TAFA4: variants seen among roughly 807,000 people sequenced by gnomAD.
The protein encoded by TAFA4 is TAFA chemokine like family member 4.
TAFA4 carries 20 observed loss-of-function variants against 21.1 expected under a neutral mutation model. The observed-to-expected ratio is 0.95, with a 90% CI of 0.67 to 1.38. TAFA4 has a LOEUF of 1.38. Ranked by LOEUF, TAFA4 falls within the 40% of genes most tolerant of loss-of-function variation. The pLI, the probability that TAFA4 is intolerant of heterozygous loss-of-function variation, is 0.00. For missense variants in TAFA4, 211 were observed against 180.9 expected (o/e 1.17, Z -0.95); for synonymous variants, 71 against 67.4 (o/e 1.05, Z -0.26).
chr3:68,853,230 GA>G (rs5849865), intron 3 of TAFA4, among the ~76,000 whole-genome samples: 3 of 151,392 alleles, frequency 2.0e-5, no homozygotes, highest in Non-Finnish European at 2.9e-5. Flanking sequence ...TAGAGTTAAG[GA>G]AAAAAAACTT....
chr3:68,865,617 T>C (rs1305350598), intron 3 of TAFA4, among the ~76,000 whole-genome samples: 2 of 152,106 alleles, frequency 1.3e-5, no homozygotes, highest in East Asian at 3.9e-4. Context: ...TCTTTTTCTT[T>C]ATAAATTACC....
At chr3:68,845,072 TTGTTAA>T (rs1425383736) in intron 3 of TAFA4, among the ~76,000 whole-genome samples, 2 of 152,210 alleles carry the variant, frequency 1.3e-5, no homozygotes, top group East Asian at 3.8e-4. Context: ...CTGAATATCC[TTGTTAA>T]TGTTGTCTCG....
At chr3:68,740,792 C>A (rs1261838427) in intron 4 of TAFA4, among the ~76,000 whole-genome samples, 1 of 152,138 alleles carries the variant, frequency 6.6e-6, no homozygotes, top group Non-Finnish European at 1.5e-5. Context: ...TCACAGATTA[C>A]ATTTACATCC....
At chr3:68,877,453 A>C (rs1290142997) in intron 3 of TAFA4, among the ~76,000 whole-genome samples, 1 of 152,216 alleles carries the variant, frequency 6.6e-6, no homozygotes, top group African/African-American at 2.4e-5. Flanking sequence ...AACTATGACC[A>C]GCTAACCTGT....
Position 68,739,143 on chromosome 3 carries a change from C to A in TAFA4, c.343G>T (p.Asp115Tyr). Residue 115 changes from aspartate to tyrosine, a missense_variant, in exon 5 of 6, where the codon GAT becomes TAT. Coordinates refer to ENST00000295569, the MANE Select transcript of TAFA4 (RefSeq NM_182522.5). Reference protein sequence around the residue: ...CHMNPCLEGEDCKVLPDYSGW... With the variant: ...CHMNPCLEGEYCKVLPDYSGW... ...GAGTAATCTGGCAGCACTTTACAATCCTCTCCTTCCAAACACGGATTCATG... is the reference window on the plus strand; with the variant it reads ...GAGTAATCTGGCAGCACTTTACAATACTCTCCTTCCAAACACGGATTCATG... 2 of 1,614,000 alleles carry A rather than the reference C, an allele frequency of 1.2e-6. No individual in the cohort carries two copies. The highest frequency in any genetic ancestry group is 1.7e-6 in the Non-Finnish European group (2 of 1,179,914).
At chr3:68,820,080 A>G (rs566088502) in intron 3 of TAFA4, among the ~76,000 whole-genome samples, 1 of 152,356 alleles carries the variant, frequency 6.6e-6, no homozygotes, top group Non-Finnish European at 1.5e-5. Context: ...TGGCATATAT[A>G]CACAATGCAA....
chr3:68,741,728 C>CT (rs1414348428), intron 4 of TAFA4, among the ~76,000 whole-genome samples: 1 of 151,868 alleles, frequency 6.6e-6, no homozygotes, highest in African/African-American at 2.4e-5. Context: ...GGAGGTGGAG[C>CT]TTGCAGTGAG....
chr3:68,930,029 A>T (rs1403967069), intron 1 of TAFA4, among the ~76,000 whole-genome samples: 1 of 152,240 alleles, frequency 6.6e-6, no homozygotes, highest in Non-Finnish European at 1.5e-5. Flanking sequence ...GCAAAGTATT[A>T]TATTAAGTGT....
At chr3:68,821,269 A>G (rs1009550130) in intron 3 of TAFA4, among the ~76,000 whole-genome samples, 1 of 152,130 alleles carries the variant, frequency 6.6e-6, no homozygotes, top group South Asian at 2.1e-4. Context: ...CACAGCATCA[A>G]AACAACAATA....
At chr3:68,901,617 A>G (rs2089844530) in intron 1 of TAFA4, among the ~76,000 whole-genome samples, 1 of 152,210 alleles carries the variant, frequency 6.6e-6, no homozygotes, top group Admixed American at 6.5e-5. Flanking sequence ...CAAGTGCTCA[A>G]TAGCTCCATA....
chr3:68,850,654 CT>C (rs1338217696), intron 3 of TAFA4, among the ~76,000 whole-genome samples: 6 of 151,938 alleles, frequency 3.9e-5, no homozygotes, highest in South Asian at 2.1e-4. Flanking sequence ...TGATGTCAAG[CT>C]TTTTTTCATG....
Position 68,740,133 on chromosome 3 carries a change from T to G in TAFA4, c.287-934A>C, listed in dbSNP as rs1702323396. Among the ~76,000 whole-genome samples the G allele has an allele frequency of 2.0e-5, 3 of 152,330 alleles. No individual in the cohort carries two copies. In the South Asian group the frequency reaches 6.2e-4, roughly 32 times the overall value. Reference sequence around the variant, plus strand: ...TCGGACTTCTCTTAGTGTCAGTTTCTTCATTTGAAAAGTAGATCCTCACCC... The same window carrying G: ...TCGGACTTCTCTTAGTGTCAGTTTCGTCATTTGAAAAGTAGATCCTCACCC... On this transcript the variant is annotated intron_variant, in intron 4 of 5. Coordinates refer to ENST00000295569, the MANE Select transcript of TAFA4 (RefSeq NM_182522.5).
chr3:68,746,821 G>A (rs576602936), intron 4 of TAFA4, among the ~76,000 whole-genome samples: 48 of 152,304 alleles, frequency 3.2e-4, no homozygotes, highest in African/African-American at 1.2e-3. Flanking sequence ...ACCCACACAA[G>A]CATATCCACA....
intron 3 of TAFA4, among the ~76,000 whole-genome samples, chr3:68,801,435 T>G (rs1185257105): frequency 6.6e-6 from 1 of 152,220 alleles, no homozygotes; most frequent in African/African-American, 2.4e-5. Context: ...AGATGGCTCT[T>G]CAGTGGCTAA....
intron 3 of TAFA4, among the ~76,000 whole-genome samples, chr3:68,862,080 A>G (rs543784075): frequency 1.7e-4 from 26 of 152,012 alleles, no homozygotes; most frequent in African/African-American, 6.3e-4. Context: ...ATGACAGGAC[A>G]GCTTCCCAAG....
Position 68,740,110 on chromosome 3 carries a change from G to A in TAFA4, c.287-911C>T, listed in dbSNP as rs768875170. Reference sequence around the variant, plus strand: ...CATTGTCTAGATTACACTAGTTCTCGGACTTCTCTTAGTGTCAGTTTCTTC... The same window carrying A: ...CATTGTCTAGATTACACTAGTTCTCAGACTTCTCTTAGTGTCAGTTTCTTC... On this transcript the variant is annotated intron_variant, in intron 4 of 5. Coordinates refer to ENST00000295569, the MANE Select transcript of TAFA4 (RefSeq NM_182522.5). 3.3e-5 allele frequency among the ~76,000 whole-genome samples: 5 copies of A among 152,094 alleles called. No homozygotes were observed. In the South Asian group the frequency reaches 1.0e-3, roughly 32 times the overall value.
chr3:68,834,247 G>C (rs553492610), intron 3 of TAFA4, among the ~76,000 whole-genome samples: 1 of 152,278 alleles, frequency 6.6e-6, no homozygotes, highest in South Asian at 2.1e-4. Flanking sequence ...ACCCTGCTAA[G>C]GACATCCTGA....
intron 3 of TAFA4, among the ~76,000 whole-genome samples, chr3:68,765,223 C>A (rs1206641834): frequency 6.6e-6 from 1 of 152,094 alleles, no homozygotes; most frequent in East Asian, 1.9e-4. Flanking sequence ...ATTTGTTCTT[C>A]TACTAAATTT....
chr3:68,750,358 T>C (rs531629568), intron 4 of TAFA4, among the ~76,000 whole-genome samples: 1 of 152,326 alleles, frequency 6.6e-6, no homozygotes, highest in Non-Finnish European at 1.5e-5. Context: ...TGGAATGCTA[T>C]GGAGCAATTG....
Sources: allele counts gnomAD v4.1 joint callset (sites outside exome capture counted in the v4.1 genomes callset), GRCh38; gene constraint gnomAD v4.1.1; transcripts MANE v1.5; gene names NCBI Gene and HGNC (gene_info 2026-07-23, HGNC 2026-07-21).